The following EFNA1 variants were observed in gnomAD, a reference collection of about 807,000 sequenced individuals.
The protein encoded by EFNA1 is ephrin-A1.
A neutral mutation model predicts 23.2 loss-of-function variants in EFNA1; 8 were observed. The observed-to-expected ratio is 0.34, with a 90% CI of 0.20 to 0.62. The LOEUF (loss-of-function observed/expected upper bound fraction) is 0.62, where lower values mean the gene tolerates loss of function less well. Among genes scored for constraint, EFNA1 ranks in the 20% least tolerant of loss-of-function variants. The pLI is 0.75. For missense variants in EFNA1, 217 were observed against 260.0 expected (o/e 0.83, Z 1.14); for synonymous variants, 89 against 98.6 (o/e 0.90, Z 0.58).
chr1:155,128,207 T>C, intron 1 of EFNA1, 138 bp downstream of exon 1: 1 of 726,562 alleles, frequency 1.4e-6, no homozygotes, highest in Non-Finnish European at 2.3e-6. Context: ...TTTCCTCCCC[T>C]CACTTCTCCG....
At chr1:155,130,642 G>A (rs1664220053) in intron 1 of EFNA1, 1 of 985,224 alleles carries the variant, frequency 1.0e-6, no homozygotes, top group Non-Finnish European at 1.2e-6. Context: ...GGGAAAAGGA[G>A]ACCAGTGTAT....
rs760965678 is a variant in EFNA1, at chr1:155,133,530, G to T, written c.416G>T (p.Arg139Leu). Residue 139 changes from arginine (R) to leucine (L), a missense_variant, in exon 3 of 5, where the codon CGC becomes CTC. By Grantham distance (102) the Arg-to-Leu change is moderately radical. Coordinates refer to ENST00000368407, the MANE Select transcript of EFNA1 (RefSeq NM_004428.3). ...ISKPIHQHED[R>L]CLRLKVTVSG... Reference sequence around the variant, plus strand: ...AAACCCATCCACCAGCATGAAGACCGCTGCTTGAGGTTGAAGGTGACTGTC... The same window carrying T: ...AAACCCATCCACCAGCATGAAGACCTCTGCTTGAGGTTGAAGGTGACTGTC... 1.2e-6 allele frequency: 2 copies of T among 1,614,084 alleles called. No homozygotes were observed. Among genetic ancestry groups the T allele is most frequent in the Non-Finnish European group, 1.7e-6 (2 of 1,180,028 alleles).
At chr1:155,130,318 G>A (rs1333035088) in intron 1 of EFNA1, among the ~76,000 whole-genome samples, 1 of 152,178 alleles carries the variant, frequency 6.6e-6, no homozygotes, top group African/African-American at 2.4e-5. Context: ...CGGGGTCGGG[G>A]GAAGCACTTT....
In EFNA1 at chr1:155,134,531, T is replaced by C. The variant is rs1664332061; in HGVS notation, c.*464T>C. On this transcript the variant is annotated 3_prime_UTR_variant, in exon 5 of 5. Transcript: ENST00000368407. ...GAAGCCAGGTACAGGAGAGGCAGCA[T>C]GCTTGGGCTGACCCAGCATCTCCCA... 1 of 204,244 alleles carries C rather than the reference T, an allele frequency of 4.9e-6. No individual in the cohort carries two copies. Among genetic ancestry groups the C allele is most frequent in the Non-Finnish European group, 1.0e-5 (1 of 98,624 alleles). 12.7% of individuals were successfully genotyped at this position (204,244 alleles called of 1,614,324 possible). A position where few individuals can be genotyped will look rare whatever the true frequency, so the allele number is the denominator to read the frequency against.
Position 155,134,269 on chromosome 1 carries a change from T to G in EFNA1, c.*202T>G, listed in dbSNP as rs1664323502. The G allele has an allele frequency of 6.7e-6, 4 of 595,832 alleles. No homozygotes were observed. In the South Asian group the frequency reaches 7.8e-5, roughly 12 times the overall value. The allele number at this position is 595,832 out of a possible 1,614,324, so 36.9% of individuals were successfully genotyped here. On this transcript the variant is annotated 3_prime_UTR_variant, in exon 5 of 5. Transcript: ENST00000368407. ...GAGGCCAACCAGCCCGACAGTGCCA[T>G]CCCCACCTTCACCTCGGAGGGATGG...
chr1:155,130,563 T>C (rs1664218345), intron 1 of EFNA1: 1 of 984,394 alleles, frequency 1.0e-6, no homozygotes, highest in Non-Finnish European at 1.2e-6. Context: ...CAGCATTTCA[T>C]CTAGGGGGAG....
chr1:155,130,408 A>G (rs922277944), intron 1 of EFNA1: 34 of 677,842 alleles, frequency 5.0e-5, no homozygotes, highest in Admixed American at 2.0e-4. Flanking sequence ...GTCAGGCTGG[A>G]GCCGGTGGGG....
At chr1:155,129,554 C>CACA in intron 1 of EFNA1, 1 of 119,768 alleles carries the variant, frequency 8.3e-6, no homozygotes, top group East Asian at 1.9e-4. Flanking sequence ...CACACGCACA[C>CACA]CCTATCATAC....
Position 155,134,152 on chromosome 1 carries a change from A to T in EFNA1, c.*85A>T, listed in dbSNP as rs1664317057. The T allele has an allele frequency of 3.0e-6, 4 of 1,339,962 alleles. No homozygotes were observed. Among genetic ancestry groups the T allele is most frequent in the Non-Finnish European group, 4.2e-6 (4 of 957,944 alleles). The allele number at this position is 1,339,962 out of a possible 1,614,324, so 83.0% of individuals were successfully genotyped here. ...AAACCTGTCTTGGGGCCACTTTCAGAGCCCCCAGCCCTGGGAACCACTCCC... is the reference window on the plus strand; with the variant it reads ...AAACCTGTCTTGGGGCCACTTTCAGTGCCCCCAGCCCTGGGAACCACTCCC... On this transcript the variant is annotated 3_prime_UTR_variant, in exon 5 of 5. Coordinates refer to ENST00000368407, the MANE Select transcript of EFNA1 (RefSeq NM_004428.3).
Position 155,134,161 on chromosome 1 carries a change from C to T in EFNA1, c.*94C>T. On this transcript the variant is annotated 3_prime_UTR_variant, in exon 5 of 5. Transcript: ENST00000368407. ...TTGGGGCCACTTTCAGAGCCCCCAG[C>T]CCTGGGAACCACTCCCACCACAGGC... The T allele has an allele frequency of 1.7e-6, 2 of 1,211,778 alleles. No individual in the cohort carries two copies. Among genetic ancestry groups the T allele is most frequent in the South Asian group, 1.3e-5 (1 of 76,808 alleles). The allele number at this position is 1,211,778 out of a possible 1,614,324, so 75.1% of individuals were successfully genotyped here.
chr1:155,131,132 G>A, intron 1 of EFNA1: 2 of 1,361,696 alleles, frequency 1.5e-6, no homozygotes, highest in Non-Finnish European at 1.9e-6. Flanking sequence ...GGACCAACAG[G>A]AGACAGTGAT....
At chr1:155,130,568 G>T (rs939407796) in intron 1 of EFNA1, 1 of 985,190 alleles carries the variant, frequency 1.0e-6, no homozygotes, top group Admixed American at 6.2e-5. Flanking sequence ...TTTCATCTAG[G>T]GGGAGGTGGA....
rs529114059 is a variant in EFNA1, at chr1:155,128,652, G to C, written c.92+583G>C. On this transcript the variant is annotated intron_variant, in intron 1 of 4. Coordinates refer to ENST00000368407, the MANE Select transcript of EFNA1 (RefSeq NM_004428.3). ...TGAGGCACATGCTGTGCATGGGTAGGCTGAGGGAATCACCTGTTTATGGGG... is the reference window on the plus strand; with the variant it reads ...TGAGGCACATGCTGTGCATGGGTAGCCTGAGGGAATCACCTGTTTATGGGG... Among the ~76,000 whole-genome samples the C allele has an allele frequency of 2.2e-4, 33 of 152,346 alleles. No homozygotes were observed. The South Asian group carries it at 2.5e-3, about 11-fold the overall frequency.
At chr1:155,131,199 C>T (rs747435149) in intron 1 of EFNA1, 140 bp from the exon 2 acceptor site, 251 of 1,354,994 alleles carry the variant, frequency 1.9e-4, no homozygotes, top group Non-Finnish European at 2.4e-4. Flanking sequence ...AAGATCAGTA[C>T]ATATTGGGAG....
Position 155,134,164 on chromosome 1 carries a change from T to A in EFNA1, c.*97T>A. 1 of 1,179,450 alleles carries A rather than the reference T, an allele frequency of 8.5e-7. No individual in the cohort carries two copies. Among genetic ancestry groups the A allele is most frequent in the Admixed American group, 2.0e-5 (1 of 50,312 alleles). The allele number at this position is 1,179,450 out of a possible 1,614,324, so 73.1% of individuals were successfully genotyped here. On this transcript the variant is annotated 3_prime_UTR_variant, in exon 5 of 5. Coordinates refer to ENST00000368407, the MANE Select transcript of EFNA1 (RefSeq NM_004428.3). ...GGGCCACTTTCAGAGCCCCCAGCCC[T>A]GGGAACCACTCCCACCACAGGCATA... is the stretch of plus-strand genomic sequence containing the variant.
At position 155,130,808 on chromosome 1, in the gene EFNA1, G is replaced by A. The variant is rs1156482455; in HGVS notation, c.93-531G>A. The A allele has an allele frequency of 1.1e-5, 11 of 985,204 alleles. No homozygotes were observed. In the East Asian group the frequency reaches 1.0e-3, roughly 91 times the overall value. 61.0% of individuals were successfully genotyped at this position (985,204 alleles called of 1,614,324 possible). A position where few individuals can be genotyped will look rare whatever the true frequency, so the allele number is the denominator to read the frequency against. On this transcript the variant is annotated intron_variant, in intron 1 of 4. Transcript: ENST00000368407. The stretch of plus-strand genomic sequence containing the variant: ...TGGGAAATGTGAGATCTACTCAGTG[G>A]GTCCGGGGAAATGTGAGAGGAGTAA...
chr1:155,133,469 TTTC>T (rs758620834), intron 2 of EFNA1, 31 bp from the exon 3 acceptor site: 1 of 1,613,354 alleles, frequency 6.2e-7, no homozygotes, highest in South Asian at 1.1e-5. Context: ...CCAGCAAAGG[TTTC>T]TTATTTAACC....
rs907479380 is a variant in EFNA1 at position 155,128,138 on chromosome 1, C to T, written c.92+69C>T. 1.2e-5 allele frequency: 17 copies of T among 1,405,204 alleles called. No homozygotes were observed. In the South Asian group the frequency reaches 1.8e-4, roughly 15 times the overall value. 87.0% of individuals were successfully genotyped at this position (1,405,204 alleles called of 1,614,324 possible). A position where few individuals can be genotyped will look rare whatever the true frequency, so the allele number is the denominator to read the frequency against. ...CACTACCCCACCGGGATAACTGTCC[C>T]GGCCAAACCCTGAGCTGAGCCTAGA... On this transcript the variant is annotated intron_variant, in intron 1 of 4. Coordinates refer to ENST00000368407, the MANE Select transcript of EFNA1 (RefSeq NM_004428.3).
chr1:155,133,830 G>A (rs1462044805), intron 4 of EFNA1, 50 bp downstream of exon 4: 3 of 1,611,790 alleles, frequency 1.9e-6, no homozygotes, highest in South Asian at 2.2e-5. Flanking sequence ...GGGTCTGCTT[G>A]AAGAGGTTGG....
Sources: gnomAD v4.1 joint callset for allele counts (sites outside exome capture counted in the v4.1 genomes callset) on GRCh38, gnomAD v4.1.1 for gene constraint, MANE v1.5 for transcripts, NCBI Gene and HGNC (gene_info 2026-07-23, HGNC 2026-07-21) for gene names.